The following SGCE variants were observed in gnomAD, a reference collection of about 807,000 sequenced individuals.
SGCE encodes the protein sarcoglycan epsilon.
Under a neutral mutation model 57.8 loss-of-function variants are expected in SGCE, and 26 were observed. The observed-to-expected ratio is 0.45, with a 90% CI of 0.33 to 0.62. The LOEUF is 0.62. Among genes scored for constraint, SGCE ranks in the 20% least tolerant of loss-of-function variants. The probability of loss-of-function intolerance (pLI) is 0.02; values close to 1 mark genes in which losing one functional copy is unlikely to be tolerated. For synonymous variants in SGCE, 183 were observed against 189.5 expected (o/e 0.97, Z 0.28); for missense variants, 468 against 548.6 (o/e 0.85, Z 1.47).
chr7:94,625,736 TC>T (rs1803615679), intron 3 of SGCE: 2 of 152,220 alleles, frequency 1.3e-5, no homozygotes. Flanking sequence ...TCACTATTGC[TC>T]TGAACATTCA....
intron 10 of SGCE, 47 bp downstream of exon 10, chr7:94,588,642 C>G: frequency 6.4e-7 from 1 of 1,566,512 alleles, no homozygotes; most frequent in African/African-American, 1.4e-5. Flanking sequence ...ATCTTTTAAT[C>G]TATTAGATTC....
chr7:94,604,088 ATATTT>A (rs1799680778), intron 5 of SGCE, among the ~76,000 whole-genome samples: 1 of 152,122 alleles, frequency 6.6e-6, no homozygotes, highest in Admixed American at 6.5e-5. Context: ...GGCAAACAAA[ATATTT>A]TGTTGGTTTG....
chr7:94,634,540 T>C (rs1361912517), intron 1 of SGCE, among the ~76,000 whole-genome samples: 1 of 152,160 alleles, frequency 6.6e-6, no homozygotes, highest in African/African-American at 2.4e-5. Context: ...AGCTTCTCTA[T>C]CCCCTCTAAT....
intron 10 of SGCE, chr7:94,587,116 AG>A: frequency 1.0e-6 from 1 of 983,888 alleles, no homozygotes; most frequent in Non-Finnish European, 1.2e-6. Context: ...TTTATAAATT[AG>A]GTTAAACAAC....
At chr7:94,647,564 C>T (rs1448397378) in intron 1 of SGCE, among the ~76,000 whole-genome samples, 2 of 152,174 alleles carry the variant, frequency 1.3e-5, no homozygotes, top group African/African-American at 4.8e-5. Flanking sequence ...CAAAGATTTT[C>T]CCATTGCTCT....
chr7:94,635,155 T>C (rs1292010099), intron 1 of SGCE, among the ~76,000 whole-genome samples: 2 of 152,210 alleles, frequency 1.3e-5, no homozygotes, highest in African/African-American at 2.4e-5. Flanking sequence ...AGTTTGAAGA[T>C]GGAAGCTGTT....
In SGCE at chr7:94,587,567, T is replaced by C. The variant is rs1188542755; in HGVS notation, c.1297+1122A>G. ...TGGTAGTAGGGATTCATTTATCTTT[T>C]TTCTCTCTTTAGGTGACTCATTTTT... On this transcript the variant is annotated intron_variant, in intron 10 of 10. Coordinates refer to ENST00000648936, the MANE Select transcript of SGCE (RefSeq NM_003919.3). 2.3e-6 allele frequency: 3 copies of C among 1,330,146 alleles called. No individual in the cohort carries two copies. In the African/African-American group the frequency reaches 4.6e-5, roughly 20 times the overall value. The allele number at this position is 1,330,146 out of a possible 1,614,324, so 82.4% of individuals were successfully genotyped here.
intron 3 of SGCE, chr7:94,624,162 C>CA (rs11331999): frequency 0.022 from 7,544 of 347,624 alleles, 13 homozygotes; most frequent in South Asian, 0.08. Context: ...TGCAGTACCT[C>CA]AAAAAAAAAA....
intron 4 of SGCE, among the ~76,000 whole-genome samples, chr7:94,623,049 TG>T (rs1803064081): frequency 6.6e-6 from 1 of 152,136 alleles, no homozygotes; most frequent in Non-Finnish European, 1.5e-5. Context: ...ATAAGAGAAA[TG>T]CTACTGTTAG....
At chr7:94,625,456 G>A (rs1471209206) in intron 3 of SGCE, 1 of 151,824 alleles carries the variant, frequency 6.6e-6, no homozygotes, top group Non-Finnish European at 1.5e-5. Context: ...GAACTCTTAT[G>A]AAACCATCCC....
At chr7:94,623,970 A>G (rs1803260208) in intron 3 of SGCE, 3 of 382,146 alleles carry the variant, frequency 7.9e-6, no homozygotes, top group Admixed American at 9.0e-5. Context: ...AAAAACACAA[A>G]TCAATCCCTT....
chr7:94,650,927 C>A (rs1448896377), intron 1 of SGCE, among the ~76,000 whole-genome samples: 2 of 152,166 alleles, frequency 1.3e-5, no homozygotes, highest in African/African-American at 4.8e-5. Context: ...TTCAACATCC[C>A]CATGGACTGC....
At chr7:94,640,495 A>C (rs746240809) in intron 1 of SGCE, among the ~76,000 whole-genome samples, 24 of 152,248 alleles carry the variant, frequency 1.6e-4, no homozygotes, top group Non-Finnish European at 2.6e-4. Flanking sequence ...TTTAGACATG[A>C]TAGATTTGGG....
intron 7 of SGCE, 128 bp downstream of exon 7, chr7:94,600,518 T>C: frequency 1.4e-6 from 1 of 703,864 alleles, no homozygotes; most frequent in Non-Finnish European, 2.5e-6. Flanking sequence ...AGTATTGCAG[T>C]TTGGACACAA....
At chr7:94,638,327 T>C (rs1270568348) in intron 1 of SGCE, among the ~76,000 whole-genome samples, 1 of 152,182 alleles carries the variant, frequency 6.6e-6, no homozygotes, top group Non-Finnish European at 1.5e-5. Flanking sequence ...TTTGTCCCAT[T>C]GTGAAAGAGA....
At chr7:94,646,932 C>A (rs2117077072) in intron 1 of SGCE, among the ~76,000 whole-genome samples, 1 of 152,270 alleles carries the variant, frequency 6.6e-6, no homozygotes, top group East Asian at 1.9e-4. Context: ...CCCTCATATC[C>A]CTGTTGCCAT....
intron 1 of SGCE, among the ~76,000 whole-genome samples, chr7:94,650,192 T>C (rs1584780939): frequency 6.6e-6 from 1 of 152,224 alleles, no homozygotes; most frequent in East Asian, 1.9e-4. Context: ...TATTTTGCTA[T>C]GTAAAAGCTA....
At chr7:94,612,604 C>G (rs1375522087) in intron 5 of SGCE, among the ~76,000 whole-genome samples, 1 of 152,078 alleles carries the variant, frequency 6.6e-6, no homozygotes. Context: ...AATAATATTA[C>G]AAAGACTATC....
At chr7:94,654,974 T>C (rs1371443253) in intron 1 of SGCE, among the ~76,000 whole-genome samples, 1 of 152,210 alleles carries the variant, frequency 6.6e-6, no homozygotes, top group Non-Finnish European at 1.5e-5. Flanking sequence ...CGTTAAGGTT[T>C]TATTTAGCAT....
Sources: allele counts gnomAD v4.1 joint callset (sites outside exome capture counted in the v4.1 genomes callset), GRCh38; gene constraint gnomAD v4.1.1; transcripts MANE v1.5; gene names NCBI Gene and HGNC (gene_info 2026-07-23, HGNC 2026-07-21).